TSNARE1: variants seen among roughly 807,000 people sequenced by gnomAD.
The protein encoded by TSNARE1 is t-SNARE domain-containing protein 1.
Under a neutral mutation model 62.0 loss-of-function variants are expected in TSNARE1, and 49 were observed. The observed-to-expected ratio is 0.79, with a 90% CI of 0.63 to 1.00. The LOEUF (loss-of-function observed/expected upper bound fraction) is 1.00, where lower values mean the gene tolerates loss of function less well. TSNARE1 is among the 50% of genes least tolerant of loss of function. The pLI, the probability that TSNARE1 is intolerant of heterozygous loss-of-function variation, is 0.00. For synonymous variants in TSNARE1, 328 were observed against 294.4 expected, an observed-to-expected ratio of 1.11 and a Z score of -1.17; for missense variants, 755 against 700.1, an observed-to-expected ratio of 1.08 and a Z score of -0.88.
intron 12 of TSNARE1, among the ~76,000 whole-genome samples, chr8:142,231,900 G>A (rs560638496): frequency 3.9e-5 from 6 of 152,240 alleles, no homozygotes; most frequent in Non-Finnish European, 8.8e-5. Context: ...CCTGTGCCCT[G>A]TATGTGCCAT....
At chr8:142,321,357 A>C (rs1009867848) in intron 6 of TSNARE1, among the ~76,000 whole-genome samples, 3 of 152,236 alleles carry the variant, frequency 2.0e-5, no homozygotes, top group African/African-American at 7.2e-5. Context: ...ACTTACAAGG[A>C]AATTACTGCT....
rs1826030502 is a variant in TSNARE1, at chr8:142,303,037, T to TGGGC, written c.1132-2397_1132-2394dup. Among the ~76,000 whole-genome samples, 2 of 152,124 alleles carry TGGGC rather than the reference T, an allele frequency of 1.3e-5. 1 individual carries two copies. The highest frequency in any genetic ancestry group is 4.1e-4 in the South Asian group (2 of 4,820). On this transcript the variant is annotated intron_variant, in intron 9 of 13. Coordinates refer to ENST00000524325, the MANE Select transcript of TSNARE1 (RefSeq NM_145003.5). ...TCTTGCCATGCCCCTCCCGTGTGTG[T>TGGGC]GGGCATCTGGGGACATGGGCTGCAG...
At chr8:142,377,027 T>C (rs573951384) in intron 1 of TSNARE1, among the ~76,000 whole-genome samples, 13 of 152,284 alleles carry the variant, frequency 8.5e-5, no homozygotes, top group African/African-American at 2.6e-4. Flanking sequence ...TCCTGTCCCA[T>C]CTCTCTGCTG....
intron 6 of TSNARE1, among the ~76,000 whole-genome samples, chr8:142,326,607 G>A (rs368819914): frequency 1.4e-4 from 18 of 126,142 alleles, no homozygotes; most frequent in South Asian, 2.8e-4. Context: ...CAGCACCAGC[G>A]AAGGGGAGGG....
chr8:142,246,588 G>T (rs1001991326), intron 12 of TSNARE1, among the ~76,000 whole-genome samples: 4 of 152,192 alleles, frequency 2.6e-5, no homozygotes, highest in African/African-American at 9.7e-5. Flanking sequence ...AGCAGACGGG[G>T]TGCAAACCTG....
chr8:142,218,221 C>T (rs1164334042), intron 13 of TSNARE1, among the ~76,000 whole-genome samples: 2 of 137,460 alleles, frequency 1.5e-5, no homozygotes, highest in African/African-American at 2.8e-5. Context: ...CAGGGCTTAA[C>T]GTGTGACCAA....
chr8:142,284,228 C>T (rs1343129498), intron 11 of TSNARE1, among the ~76,000 whole-genome samples, 185 bp downstream of exon 11: 2 of 152,176 alleles, frequency 1.3e-5, no homozygotes, highest in Admixed American at 6.5e-5. Flanking sequence ...TGGCAACGAG[C>T]GGAGCAGGGC....
intron 10 of TSNARE1, among the ~76,000 whole-genome samples, chr8:142,295,502 A>G (rs1221182765): frequency 6.6e-6 from 1 of 152,210 alleles, no homozygotes; most frequent in Non-Finnish European, 1.5e-5. Flanking sequence ...TCCCAGCACC[A>G]TGGAGAGGGC....
intron 12 of TSNARE1, among the ~76,000 whole-genome samples, chr8:142,268,216 C>A (rs1053982748): frequency 4.6e-5 from 7 of 152,248 alleles, no homozygotes; most frequent in African/African-American, 7.2e-5. Flanking sequence ...CCTGGCCATG[C>A]TCCTGCCTGG....
At chr8:142,311,635 A>G (rs755412635) in intron 9 of TSNARE1, among the ~76,000 whole-genome samples, 17 of 152,114 alleles carry the variant, frequency 1.1e-4, no homozygotes, top group Non-Finnish European at 1.9e-4. Flanking sequence ...CTATTCATAG[A>G]GCTTCTTGAA....
intron 12 of TSNARE1, among the ~76,000 whole-genome samples, chr8:142,257,024 C>G (rs866950473): frequency 6.6e-6 from 1 of 152,222 alleles, no homozygotes; most frequent in South Asian, 2.1e-4. Context: ...TTCCCCACCA[C>G]TTCCAAACTG....
intron 12 of TSNARE1, among the ~76,000 whole-genome samples, chr8:142,231,099 C>T (rs1433995449): frequency 6.6e-6 from 1 of 152,230 alleles, no homozygotes; most frequent in Non-Finnish European, 1.5e-5. Flanking sequence ...ACCCATCCTT[C>T]TACCCAGCTG....
At position 142,398,104 on chromosome 8, in the gene TSNARE1, G is replaced by A. The variant is rs575967281; in HGVS notation, c.-40+5000C>T. Among the ~76,000 whole-genome samples, 11 of 152,154 alleles carry A rather than the reference G, an allele frequency of 7.2e-5. No individual in the cohort carries two copies. The South Asian group carries it at 1.2e-3, about 17-fold the overall frequency. On this transcript the variant is annotated intron_variant, in intron 1 of 13. Coordinates refer to ENST00000524325, the MANE Select transcript of TSNARE1 (RefSeq NM_145003.5). ...CCTTCCCTTGGGCCTCCCGCTGCCT[G>A]GAGTAGCTGCCTCTCCTGCCCTCCC...
intron 1 of TSNARE1, among the ~76,000 whole-genome samples, chr8:142,381,325 A>G (rs950047823): frequency 6.6e-6 from 1 of 152,248 alleles, no homozygotes; most frequent in African/African-American, 2.4e-5. Flanking sequence ...TGATGGTCCC[A>G]GGATGAATGG....
chr8:142,274,491 G>A (rs1042303169), intron 12 of TSNARE1: 3 of 985,350 alleles, frequency 3.0e-6, no homozygotes, highest in Middle Eastern at 5.2e-4. Flanking sequence ...AGGCCCCAAG[G>A]GCCCTCCCCT....
At chr8:142,305,646 G>A (rs1826547485) in intron 9 of TSNARE1, among the ~76,000 whole-genome samples, 1 of 152,190 alleles carries the variant, frequency 6.6e-6, no homozygotes, top group Non-Finnish European at 1.5e-5. Flanking sequence ...GCCTCCTCCT[G>A]AAAGGCTCAC....
At chr8:142,214,177 G>T (rs28507643) in intron 13 of TSNARE1, among the ~76,000 whole-genome samples, 2,810 of 152,294 alleles carry the variant, frequency 0.018, 30 homozygotes, top group Admixed American at 0.03. Context: ...GGTGCGGCCC[G>T]CCTGGCCCTG....
At chr8:142,221,117 C>T (rs532022926) in intron 13 of TSNARE1, among the ~76,000 whole-genome samples, 1 of 152,350 alleles carries the variant, frequency 6.6e-6, no homozygotes, top group South Asian at 2.1e-4. Context: ...AGCAAATCCT[C>T]TCATCTCTGC....
At chr8:142,277,646 G>C in intron 11 of TSNARE1, 1 of 985,436 alleles carries the variant, frequency 1.0e-6, no homozygotes, top group Non-Finnish European at 1.2e-6. Flanking sequence ...AATTCAACAC[G>C]TCAGTTGCTG....
Sources: gnomAD v4.1 joint callset for allele counts (sites outside exome capture counted in the v4.1 genomes callset) on GRCh38, gnomAD v4.1.1 for gene constraint, MANE v1.5 for transcripts, NCBI Gene and HGNC (gene_info 2026-07-23, HGNC 2026-07-21) for gene names.